Variants in KIAA1671 observed in about 807,000 individuals in gnomAD.
KIAA1671 encodes uncharacterized protein KIAA1671.
In KIAA1671, 52 loss-of-function variants were observed where a neutral mutation model predicts 131.2. The observed-to-expected ratio is 0.40, with a 90% CI of 0.32 to 0.50. KIAA1671 has a LOEUF of 0.50. Ranked by LOEUF, KIAA1671 falls within the 20% of genes least tolerant of loss-of-function variation. The pLI is 0.73. For synonymous variants in KIAA1671, 1,003 were observed against 961.6 expected (o/e 1.04, Z -0.80); for missense variants, 2,360 against 2,364.2 (o/e 1.00, Z 0.04).
At chr22:25,179,389 G>A in intron 9 of KIAA1671, 3 of 1,609,654 alleles carry the variant, frequency 1.9e-6, no homozygotes, top group South Asian at 2.2e-5. Flanking sequence ...CGCTCGCGCA[G>A]TGCGGCCAGG....
rs1930153377 is a variant in KIAA1671 at position 25,093,729 on chromosome 22, ACACACACACT to A, written c.4530+44367_4530+44376del. On this transcript the variant is annotated intron_variant, in intron 6 of 12. Transcript: ENST00000358431. ...CACACACACACACACACACACACACACACACACACTCTCTCTCTCTCTCTCTCTCTCTCTC... is the reference window on the plus strand; with the variant it reads ...CACACACACACACACACACACACACACTCTCTCTCTCTCTCTCTCTCTCTC... Among the ~76,000 whole-genome samples, 6 of 51,304 alleles carry A rather than the reference ACACACACACT, an allele frequency of 1.2e-4. No homozygotes were observed. The East Asian group carries it at 1.2e-3, about 10-fold the overall frequency. 33.7% of individuals were successfully genotyped at this position (51,304 alleles called of 152,430 possible). A position where few individuals can be genotyped will look rare whatever the true frequency, so the allele number is the denominator to read the frequency against.
intron 6 of KIAA1671, among the ~76,000 whole-genome samples, chr22:25,066,606 G>A (rs1928487094): frequency 1.3e-5 from 2 of 152,134 alleles, no homozygotes; most frequent in Admixed American, 1.3e-4. Flanking sequence ...CCATAGCCCT[G>A]GAGAATCCAG....
At chr22:24,995,289 T>C (rs2090040447) in intron 1 of KIAA1671, among the ~76,000 whole-genome samples, 2 of 151,298 alleles carry the variant, frequency 1.3e-5, no homozygotes, top group African/African-American at 2.4e-5. Context: ...CCTGACCTCG[T>C]GATCTGCCCA....
At chr22:24,990,656 A>C (rs1238179221) in intron 1 of KIAA1671, among the ~76,000 whole-genome samples, 1 of 152,218 alleles carries the variant, frequency 6.6e-6, no homozygotes, top group Non-Finnish European at 1.5e-5. Flanking sequence ...ACCATGTGGG[A>C]CACAGCAGGC....
At chr22:25,179,410 G>GGATCTCCTTGCT in intron 9 of KIAA1671, 1 of 1,612,210 alleles carries the variant, frequency 6.2e-7, no homozygotes, top group South Asian at 1.1e-5. Context: ...TGCGCCTCGC[G>GGATCTCCTTGCT]GATCTCCTTG....
At chr22:25,027,751 G>A (rs1349864783) in intron 2 of KIAA1671, among the ~76,000 whole-genome samples, 194 bp from the exon 3 acceptor site, 5 of 152,174 alleles carry the variant, frequency 3.3e-5, no homozygotes, top group Non-Finnish European at 5.9e-5. Context: ...AGGGATGGGC[G>A]TTTAGTCCAC....
intron 6 of KIAA1671, among the ~76,000 whole-genome samples, chr22:25,101,397 C>T (rs952692517): frequency 1.6e-4 from 24 of 152,160 alleles, no homozygotes; most frequent in African/African-American, 3.9e-4. Flanking sequence ...GCATGGAAAA[C>T]GCTGCTTTCT....
chr22:25,119,651 C>T (rs986354102), intron 6 of KIAA1671, among the ~76,000 whole-genome samples: 11 of 152,106 alleles, frequency 7.2e-5, no homozygotes, highest in Admixed American at 6.6e-5. Flanking sequence ...GCATGGGGAC[C>T]CATGGGAGTG....
intron 6 of KIAA1671, chr22:25,061,745 T>G (rs1568934610): frequency 1.3e-5 from 2 of 152,340 alleles, no homozygotes. Flanking sequence ...TGCAGATCCC[T>G]GCTCCCAGCA....
rs536362422 is a variant in KIAA1671, at chr22:24,988,642, A to C, written c.-208+35870A>C. ...TCCCAGCTACTTGGGAGGCTGAGGCAAGAGAATCTCTTGAACCTGGGAAGT... is the reference window on the plus strand; with the variant it reads ...TCCCAGCTACTTGGGAGGCTGAGGCCAGAGAATCTCTTGAACCTGGGAAGT... On this transcript the variant is annotated intron_variant, in intron 1 of 12. Coordinates refer to ENST00000358431, the MANE Select transcript of KIAA1671 (RefSeq NM_001145206.2). Among the ~76,000 whole-genome samples the C allele has an allele frequency of 9.2e-5, 14 of 151,814 alleles. No homozygotes were observed. In the East Asian group the frequency reaches 2.7e-3, roughly 29 times the overall value.
intron 6 of KIAA1671, among the ~76,000 whole-genome samples, chr22:25,069,005 C>T (rs949400338): frequency 7.0e-6 from 1 of 143,212 alleles, no homozygotes. Context: ...GCTCACTTGC[C>T]GGAGTCTCTG....
chr22:25,099,083 G>A (rs1001636798), intron 6 of KIAA1671, among the ~76,000 whole-genome samples: 20 of 152,186 alleles, frequency 1.3e-4, no homozygotes, highest in African/African-American at 4.3e-4. Context: ...CCCAGAGAGT[G>A]GAAGCTGTTG....
At chr22:25,166,346 G>C (rs1204054241) in intron 6 of KIAA1671, among the ~76,000 whole-genome samples, 3 of 152,108 alleles carry the variant, frequency 2.0e-5, no homozygotes, top group Non-Finnish European at 4.4e-5. Context: ...AAACCTCTGT[G>C]GGGGAGGGCA....
intron 1 of KIAA1671, among the ~76,000 whole-genome samples, chr22:24,969,086 A>G (rs1922461457): frequency 6.6e-6 from 1 of 151,990 alleles, no homozygotes; most frequent in South Asian, 2.1e-4. Context: ...TTTTTTGCAG[A>G]GACAGAATCT....
At chr22:24,986,092 CAG>C (rs1923515719) in intron 1 of KIAA1671, among the ~76,000 whole-genome samples, 1 of 152,168 alleles carries the variant, frequency 6.6e-6, no homozygotes, top group Admixed American at 6.6e-5. Context: ...GGACTTATCT[CAG>C]ATGAATCACG....
intron 4 of KIAA1671, among the ~76,000 whole-genome samples, chr22:25,038,295 C>A (rs962836902): frequency 3.3e-5 from 5 of 152,364 alleles, no homozygotes; most frequent in Non-Finnish European, 7.3e-5. Context: ...AGCCACCGCG[C>A]CTGGCTGGAT....
chr22:24,969,441 G>T (rs1922483413), intron 1 of KIAA1671, among the ~76,000 whole-genome samples: 2 of 151,972 alleles, frequency 1.3e-5, no homozygotes, highest in African/African-American at 4.8e-5. Context: ...TATTGTTTAT[G>T]GAATAATGAC....
At chr22:25,109,110 ACTT>A (rs1601322486) in intron 6 of KIAA1671, among the ~76,000 whole-genome samples, 2 of 147,210 alleles carry the variant, frequency 1.4e-5, no homozygotes, top group South Asian at 4.3e-4. Flanking sequence ...CTACACTATC[ACTT>A]CTTTTTTTTT....
intron 1 of KIAA1671, among the ~76,000 whole-genome samples, chr22:24,990,602 C>T (rs1923786261): frequency 6.6e-6 from 1 of 152,262 alleles, no homozygotes; most frequent in Admixed American, 6.5e-5. Flanking sequence ...AGAACCACCA[C>T]CTCCAACCCA....
Sources: allele counts gnomAD v4.1 joint callset (sites outside exome capture counted in the v4.1 genomes callset), GRCh38; gene constraint gnomAD v4.1.1; transcripts MANE v1.5; gene names NCBI Gene and HGNC (gene_info 2026-07-23, HGNC 2026-07-21).